Variants in PEPD observed in about 807,000 individuals in gnomAD.
The protein encoded by PEPD is xaa-Pro dipeptidase.
PEPD carries 53 observed loss-of-function variants against 60.7 expected under a neutral mutation model. The ratio of observed to expected loss-of-function variants is 0.87; its 90% CI spans 0.70 to 1.10. PEPD has a LOEUF of 1.10. Ranked by LOEUF, PEPD falls within the 50% of genes least tolerant of loss-of-function variation. PEPD has a pLI of 0.00. For missense variants in PEPD, 711 were observed against 711.9 expected, an observed-to-expected ratio of 1.00 and a Z score of 0.01; for synonymous variants, 267 against 284.1, an observed-to-expected ratio of 0.94 and a Z score of 0.60.
intron 9 of PEPD, among the ~76,000 whole-genome samples, chr19:33,431,254 A>G (rs1969267522): frequency 6.6e-6 from 1 of 152,118 alleles, no homozygotes; most frequent in Non-Finnish European, 1.5e-5. Context: ...TCCCGAAGGA[A>G]GGAAGAGAGG....
chr19:33,461,158 C>A lies in PEPD; in HGVS notation c.671+1837G>T, dbSNP rs113774732. Among the ~76,000 whole-genome samples, 662 of 152,292 alleles carry A rather than the reference C, an allele frequency of 4.3e-3. 4 individuals are homozygous for A. Among genetic ancestry groups the A allele is most frequent in the African/African-American group, 0.016 (644 of 41,544 alleles). On this transcript the variant is annotated intron_variant, in intron 9 of 14. Transcript: ENST00000244137. ...AAAAAAGTTCTCACCAACTGGAATA[C>A]CTACTGAGGTATTTACAGGTGCTAT...
intron 7 of PEPD, among the ~76,000 whole-genome samples, chr19:33,474,606 C>T (rs11672930): frequency 0.075 from 11,388 of 152,098 alleles, 526 homozygotes; most frequent in Non-Finnish European, 0.11. Flanking sequence ...ATCACGTGAA[C>T]CCGGGAGGCG....
At chr19:33,445,502 G>C (rs1184164536) in intron 9 of PEPD, among the ~76,000 whole-genome samples, 1 of 152,206 alleles carries the variant, frequency 6.6e-6, no homozygotes, top group Non-Finnish European at 1.5e-5. Flanking sequence ...ATATGAGAGA[G>C]ACCCCAGGGA....
intron 1 of PEPD, among the ~76,000 whole-genome samples, chr19:33,519,029 A>G (rs1971080553): frequency 6.6e-6 from 1 of 152,112 alleles, no homozygotes; most frequent in Non-Finnish European, 1.5e-5. Context: ...CATGTGGGAG[A>G]GCAGATGCAG....
chr19:33,447,768 C>G (rs1481759789), intron 9 of PEPD, among the ~76,000 whole-genome samples: 1 of 152,204 alleles, frequency 6.6e-6, no homozygotes, highest in Non-Finnish European at 1.5e-5. Context: ...CAGCTGTGGC[C>G]AGGCCCATGG....
intron 2 of PEPD, 41 bp from the exon 3 acceptor site, chr19:33,511,196 G>A: frequency 1.2e-6 from 2 of 1,610,828 alleles, no homozygotes; most frequent in Non-Finnish European, 1.7e-6. Context: ...AGTGGAACAT[G>A]AGGTGCAAGG....
intron 3 of PEPD, among the ~76,000 whole-genome samples, chr19:33,510,617 T>C (rs1970905697): frequency 6.6e-6 from 1 of 152,194 alleles, no homozygotes; most frequent in Non-Finnish European, 1.5e-5. Context: ...GGCGGCCATG[T>C]TGCCAGGAAC....
chr19:33,464,192 G>A, intron 7 of PEPD, 130 bp from the exon 8 acceptor site: 1 of 725,600 alleles, frequency 1.4e-6, no homozygotes, highest in Non-Finnish European at 2.5e-6. Flanking sequence ...AGGCCAGAGT[G>A]GGGCCACCAA....
chr19:33,481,896 G>A (rs1480855463), intron 6 of PEPD, among the ~76,000 whole-genome samples: 1 of 151,426 alleles, frequency 6.6e-6, no homozygotes, highest in African/African-American at 2.4e-5. Context: ...TGGTGCACAC[G>A]TGTAATCCCA....
At chr19:33,479,087 T>A (rs1245547775) in intron 6 of PEPD, among the ~76,000 whole-genome samples, 5 of 152,124 alleles carry the variant, frequency 3.3e-5, no homozygotes. Flanking sequence ...AGGAGACATA[T>A]AGGGGCAAGC....
intron 9 of PEPD, among the ~76,000 whole-genome samples, chr19:33,460,251 G>A (rs190320584): frequency 1.3e-3 from 199 of 152,230 alleles, no homozygotes; most frequent in Admixed American, 2.9e-3. Flanking sequence ...GTCAGACACC[G>A]CGCAGATAAA....
rs1424154905 is a variant in PEPD at position 33,420,964 on chromosome 19, G to C, written c.672-7321C>G. Among the ~76,000 whole-genome samples the C allele has an allele frequency of 2.0e-5, 3 of 152,082 alleles. No homozygotes were observed. The South Asian group carries it at 6.2e-4, about 32-fold the overall frequency. ...CATGTAAATGGAATCAAACAATATG[G>C]TCTCTTGCGTTGGCTGCTTCCGCTG... On this transcript the variant is annotated intron_variant, in intron 9 of 14. Coordinates refer to ENST00000244137, the MANE Select transcript of PEPD (RefSeq NM_000285.4).
chr19:33,491,276 C>T (rs2145319108), intron 5 of PEPD, among the ~76,000 whole-genome samples: 1 of 152,052 alleles, frequency 6.6e-6, no homozygotes. Flanking sequence ...ATGGCGAAAC[C>T]CCGTCTCTAA....
At chr19:33,497,510 C>T (rs866539298) in intron 4 of PEPD, among the ~76,000 whole-genome samples, 2 of 152,244 alleles carry the variant, frequency 1.3e-5, no homozygotes. Flanking sequence ...GAGGGAACCT[C>T]GGAGCCAGCT....
At chr19:33,411,797 G>T in intron 10 of PEPD, 48 bp from the exon 11 acceptor site, 1 of 1,160,100 alleles carries the variant, frequency 8.6e-7, no homozygotes, top group Non-Finnish European at 1.3e-6. Flanking sequence ...TTCTGCAGCA[G>T]GCTCTGAAGG....
At chr19:33,405,934 G>A (rs553359025) in intron 11 of PEPD, among the ~76,000 whole-genome samples, 4 of 152,222 alleles carry the variant, frequency 2.6e-5, no homozygotes, top group African/African-American at 4.8e-5. Flanking sequence ...TGGGTGACGG[G>A]AGCAGCTGCG....
intron 11 of PEPD, among the ~76,000 whole-genome samples, chr19:33,408,066 T>C (rs916316750): frequency 6.6e-6 from 1 of 152,052 alleles, no homozygotes; most frequent in Non-Finnish European, 1.5e-5. Flanking sequence ...TGGCCAACAG[T>C]GGACTCAGCC....
intron 12 of PEPD, among the ~76,000 whole-genome samples, chr19:33,394,810 T>C (rs1968324807): frequency 6.6e-6 from 1 of 152,120 alleles, no homozygotes; most frequent in African/African-American, 2.4e-5. Flanking sequence ...CAGCAGAAAT[T>C]GGGCACCAGC....
chr19:33,485,668 C>A (rs908388675), intron 6 of PEPD, among the ~76,000 whole-genome samples: 2 of 152,078 alleles, frequency 1.3e-5, no homozygotes, highest in African/African-American at 4.8e-5. Context: ...TATTAATATT[C>A]CTGCATTAAC....
Sources: allele counts gnomAD v4.1 joint callset (sites outside exome capture counted in the v4.1 genomes callset), GRCh38; gene constraint gnomAD v4.1.1; transcripts MANE v1.5; gene names NCBI Gene and HGNC (gene_info 2026-07-23, HGNC 2026-07-21).